TRIM14: variants seen among roughly 807,000 people sequenced by gnomAD.
The protein encoded by TRIM14 is tripartite motif containing 14.
TRIM14 carries 28 observed loss-of-function variants against 44.5 expected under a neutral mutation model. That is an observed-to-expected ratio of 0.63 (90% confidence interval 0.47 to 0.86). The LOEUF is 0.86. Among genes scored for constraint, TRIM14 ranks in the 40% least tolerant of loss-of-function variants. The pLI, the probability that TRIM14 is intolerant of heterozygous loss-of-function variation, is 0.00. For synonymous variants in TRIM14, 299 were observed against 269.2 expected (o/e 1.11, Z -1.08); for missense variants, 607 against 611.1 (o/e 0.99, Z 0.07).
chr9:98,094,698 G>A (rs1248946969), intron 4 of TRIM14, among the ~76,000 whole-genome samples, 169 bp downstream of exon 4: 1 of 152,202 alleles, frequency 6.6e-6, no homozygotes, highest in Non-Finnish European at 1.5e-5. Flanking sequence ...AGGGTTGGAG[G>A]TGAAGTGGTG....
rs1825815715 is a variant in TRIM14, at chr9:98,087,362, G to C, written c.*108C>G. 1 of 1,508,704 alleles carries C rather than the reference G, an allele frequency of 6.6e-7. No homozygotes were observed. Among genetic ancestry groups the C allele is most frequent in the Middle Eastern group, 1.7e-4 (1 of 5,894 alleles). The allele number at this position is 1,508,704 out of a possible 1,614,324, so 93.5% of individuals were successfully genotyped here. ...GTCGGGGAAAGCTGGGGCAGGGAGA[G>C]GGCCCTAAGAAGCAGGCAGTAAGGG... On this transcript the variant is annotated 3_prime_UTR_variant, in exon 6 of 6. Coordinates refer to ENST00000341469, the MANE Select transcript of TRIM14 (RefSeq NM_014788.4).
chr9:98,087,648 G>A lies in TRIM14; in HGVS notation c.1151C>T (p.Pro384Leu), dbSNP rs1587941601. The change falls in exon 6 of 6, where the codon CCC becomes CTC. Residue 384 changes from proline (P) to leucine (L), a missense_variant. Physicochemically the swap from Pro to Leu is moderately conservative, Grantham distance 98 (BLOSUM62 -3). Around this residue, in one of 3 missense-constraint regions of TRIM14, gnomAD observed 356 missense variants for 323.0 expected, o/e 1.10. Coordinates refer to ENST00000341469, the MANE Select transcript of TRIM14 (RefSeq NM_014788.4). ...FHDGQRSRLR[P>L]RDDLDRLGVF... ...GCCGAGCCGGTCGAGGTCGTCGCGG[G>A]GCCGCAGGCGGCTGCGCTGGCCGTC... 1.2e-6 allele frequency: 2 copies of A among 1,604,296 alleles called. No individual in the cohort carries two copies. Among genetic ancestry groups the A allele is most frequent in the Non-Finnish European group, 1.7e-6 (2 of 1,178,560 alleles).
At chr9:98,061,563 C>T in the TRIM14 span, among the ~76,000 whole-genome samples, 2 of 149,370 alleles carry the variant, frequency 1.3e-5, no homozygotes, top group Non-Finnish European at 3.0e-5. Context: ...AGGCAGGTCA[C>T]GAGGTCAAGA....
At chr9:98,036,726 C>T in the TRIM14 span, among the ~76,000 whole-genome samples, 1 of 151,704 alleles carries the variant, frequency 6.6e-6, no homozygotes, top group Non-Finnish European at 1.5e-5. Context: ...ATTGCTTGAA[C>T]CCGGGAGGCA....
At chr9:98,069,570 C>T in exon 7 of TRIM14, 1 of 152,452 alleles carries the variant, frequency 6.6e-6, no homozygotes, top group South Asian at 2.1e-4. Flanking sequence ...CCGCGCCCAG[C>T]CAGGAATGAA....
chr9:98,068,301 AT>A (rs1010115050), downstream of TRIM14, among the ~76,000 whole-genome samples: 1 of 150,738 alleles, frequency 6.6e-6, no homozygotes, highest in Non-Finnish European at 1.5e-5. Flanking sequence ...TGCCCAGCTA[AT>A]TTTTTTTTGT....
intron 5 of TRIM14, 29 bp from the exon 6 acceptor site, chr9:98,088,034 T>A: frequency 6.9e-7 from 1 of 1,452,626 alleles, no homozygotes; most frequent in South Asian, 1.4e-5. Flanking sequence ...GGGACGCACC[T>A]GGTGGGCGGG....
the TRIM14 span, among the ~76,000 whole-genome samples, chr9:98,044,005 CTTTTTTTT>C: frequency 4.6e-5 from 6 of 131,258 alleles, no homozygotes; most frequent in Admixed American, 7.7e-5. Context: ...TATTTGTTTC[CTTTTTTTT>C]TTTTTTTTTT....
chr9:98,100,821 A>T (rs1358414481), intron 2 of TRIM14, among the ~76,000 whole-genome samples: 1 of 152,152 alleles, frequency 6.6e-6, no homozygotes, highest in Non-Finnish European at 1.5e-5. Flanking sequence ...TACTAAAAAT[A>T]TAAAAGTAAA....
the TRIM14 span, among the ~76,000 whole-genome samples, chr9:98,036,111 C>T: frequency 2.0e-5 from 3 of 149,788 alleles, no homozygotes; most frequent in Non-Finnish European, 4.4e-5. Flanking sequence ...GCAGGAGAAT[C>T]GCTTGGACCC....
intron 6 of TRIM14, among the ~76,000 whole-genome samples, chr9:98,072,258 C>T (rs951986836): frequency 6.6e-6 from 1 of 152,330 alleles, no homozygotes; most frequent in East Asian, 1.9e-4. Flanking sequence ...GCCAGGTCTA[C>T]ACTCACCCAG....
chr9:98,113,478 C>G (rs1214435986), intron 1 of TRIM14, among the ~76,000 whole-genome samples: 3 of 152,158 alleles, frequency 2.0e-5, no homozygotes, highest in Non-Finnish European at 4.4e-5. Flanking sequence ...CCTCAGCCCC[C>G]CAAGTAGCTG....
intron 1 of TRIM14, among the ~76,000 whole-genome samples, chr9:98,118,271 G>A (rs2118734966): frequency 6.6e-6 from 1 of 152,330 alleles, no homozygotes; most frequent in South Asian, 2.1e-4. Flanking sequence ...GGCACTGTTA[G>A]GATTATGCAT....
At chr9:98,048,064 C>CAAAAAAAAAAA in the TRIM14 span, among the ~76,000 whole-genome samples, 32 of 107,562 alleles carry the variant, frequency 3.0e-4, no homozygotes, top group African/African-American at 8.7e-4. Context: ...GACTCCTTCT[C>CAAAAAAAAAAA]AAAAAAAAAA....
the TRIM14 span, among the ~76,000 whole-genome samples, chr9:98,053,282 A>G: frequency 2.0e-5 from 3 of 152,252 alleles, no homozygotes; most frequent in African/African-American, 4.8e-5. Flanking sequence ...CTATGACATG[A>G]ACCCCAAAAT....
rs1050542273 is a variant in TRIM14, at chr9:98,085,076, C to T, written c.*2394G>A. 3.9e-5 allele frequency: 6 copies of T among 152,176 alleles called. No homozygotes were observed. Among genetic ancestry groups the T allele is most frequent in the African/African-American group, 1.4e-4 (6 of 41,420 alleles). The allele number at this position is 152,176 out of a possible 1,614,324, so 9.4% of individuals were successfully genotyped here. ...TAGCTCTGTCTCTGCTACATGAATC[C>T]CAAATTTTTGAATCAAGTTCCCCTC... On this transcript the variant is annotated 3_prime_UTR_variant, in exon 6 of 6. Transcript: ENST00000341469.
At chr9:98,100,776 C>A (rs1826361319) in intron 2 of TRIM14, among the ~76,000 whole-genome samples, 2 of 151,962 alleles carry the variant, frequency 1.3e-5, no homozygotes, top group African/African-American at 4.8e-5. Flanking sequence ...TGTGGTGTAA[C>A]AGTGGCATTT....
downstream of TRIM14, among the ~76,000 whole-genome samples, chr9:98,079,580 A>G (rs1829756411): frequency 1.3e-5 from 2 of 152,192 alleles, no homozygotes; most frequent in Admixed American, 1.3e-4. Context: ...AAATCACGTT[A>G]TTTTTAAAAT....
At chr9:98,090,520 A>G (rs1328267317) in intron 5 of TRIM14, among the ~76,000 whole-genome samples, 1 of 151,758 alleles carries the variant, frequency 6.6e-6, no homozygotes, top group Non-Finnish European at 1.5e-5. Context: ...TTTTTAAAAA[A>G]TCATTGAGCT....
Sources: gnomAD v4.1 joint callset for allele counts (sites outside exome capture counted in the v4.1 genomes callset) on GRCh38, gnomAD v4.1.1 for gene constraint, gnomAD v4.1.1 regional missense constraint, MANE v1.5 for transcripts, NCBI Gene and HGNC (gene_info 2026-07-23, HGNC 2026-07-21) for gene names.